RFC3: variants seen among roughly 807,000 people sequenced by gnomAD.
RFC3 encodes the protein replication factor C subunit 3.
Under a neutral mutation model 45.1 loss-of-function variants are expected in RFC3, and 41 were observed. The ratio of observed to expected loss-of-function variants is 0.91; its 90% CI spans 0.71 to 1.18. The LOEUF (loss-of-function observed/expected upper bound fraction) is 1.18, where lower values mean the gene tolerates loss of function less well. Ranked by LOEUF, RFC3 falls within the 50% of genes most tolerant of loss-of-function variation. The pLI, the probability that RFC3 is intolerant of heterozygous loss-of-function variation, is 0.00. For missense variants in RFC3, 423 were observed against 428.1 expected, an observed-to-expected ratio of 0.99 and a Z score of 0.10; for synonymous variants, 149 against 144.0, an observed-to-expected ratio of 1.03 and a Z score of -0.25.
intron 8 of RFC3, among the ~76,000 whole-genome samples, chr13:33,922,521 T>A (rs957011831): frequency 6.6e-6 from 1 of 152,160 alleles, no homozygotes; most frequent in Non-Finnish European, 1.5e-5. Flanking sequence ...ATAATTTACT[T>A]GTTGATATTA....
At chr13:33,856,132 G>T (rs1456974166) in intron 8 of RFC3, among the ~76,000 whole-genome samples, 5 of 152,144 alleles carry the variant, frequency 3.3e-5, no homozygotes, top group Non-Finnish European at 5.9e-5. Flanking sequence ...TCCATCTTGA[G>T]TTGGTTTTCA....
chr13:33,837,842 T>A (rs3135644), downstream of RFC3, among the ~76,000 whole-genome samples: 2 of 151,754 alleles, frequency 1.3e-5, no homozygotes, highest in African/African-American at 2.4e-5. Context: ...TAAATTTCAC[T>A]CTGAGTACTG....
At chr13:33,872,335 G>C (rs757169756) in intron 8 of RFC3, among the ~76,000 whole-genome samples, 1 of 152,114 alleles carries the variant, frequency 6.6e-6, no homozygotes, top group Non-Finnish European at 1.5e-5. Context: ...ATCACTCTTG[G>C]AATTTAATTC....
intron 8 of RFC3, among the ~76,000 whole-genome samples, chr13:33,898,702 TCAA>T (rs1429431395): frequency 6.6e-6 from 1 of 151,266 alleles, no homozygotes; most frequent in African/African-American, 2.4e-5. Flanking sequence ...TAACAAAAAA[TCAA>T]CAAAACAAAA....
chr13:33,844,113 C>A (rs1378370113), intron 8 of RFC3, among the ~76,000 whole-genome samples: 2 of 152,090 alleles, frequency 1.3e-5, no homozygotes, highest in African/African-American at 4.8e-5. Flanking sequence ...TATGAATGAT[C>A]TGGGCTTTAG....
intron 8 of RFC3, among the ~76,000 whole-genome samples, chr13:33,939,698 C>G (rs549808880): frequency 6.6e-6 from 1 of 152,132 alleles, no homozygotes; most frequent in Non-Finnish European, 1.5e-5. Flanking sequence ...AAACTGGTGT[C>G]GGAAGCGGGA....
intron 8 of RFC3, among the ~76,000 whole-genome samples, chr13:33,930,725 CT>C (rs745691153): frequency 1.1e-4 from 16 of 152,130 alleles, no homozygotes; most frequent in Non-Finnish European, 1.9e-4. Flanking sequence ...CCTTCAAACA[CT>C]TTCCTGTTGA....
intron 8 of RFC3, among the ~76,000 whole-genome samples, chr13:33,876,373 A>G (rs1276667494): frequency 6.6e-6 from 1 of 152,038 alleles, no homozygotes; most frequent in Non-Finnish European, 1.5e-5. Flanking sequence ...TTATTTTTCA[A>G]AGTTTTTGTT....
rs76351783 is a variant in RFC3 at position 33,872,192 on chromosome 13, G to T, written c.879+36975G>T. ...GCTTATTCATAATCTTAAATACGATGTAAGTGGCTGAATTGGAAAGGGAGA... is the reference window on the plus strand; with the variant it reads ...GCTTATTCATAATCTTAAATACGATTTAAGTGGCTGAATTGGAAAGGGAGA... On this transcript the variant is annotated intron_variant, in intron 8 of 8. Transcript: ENST00000434425. Among the ~76,000 whole-genome samples, 870 of 152,272 alleles carry T rather than the reference G, an allele frequency of 5.7e-3. 5 individuals carry two copies. The highest frequency in any genetic ancestry group is 0.02 in the African/African-American group (825 of 41,540).
Position 33,825,844 on chromosome 13 carries a change from C to T in RFC3, c.349C>T (p.Gln117Ter). Reference sequence around the variant, plus strand: ...TCAGGAGATGTTGAAAACAGTGGCACAATCACAACAACTTGAAACAAACTC... The same window carrying T: ...TCAGGAGATGTTGAAAACAGTGGCATAATCACAACAACTTGAAACAAACTC... ...VIQEMLKTVA[Q>*]SQQLETNSQR... Residue 117 changes from glutamine (Q) to a stop codon, truncating the protein, a stop_gained, in exon 4 of 9, where the codon CAA becomes TAA. Transcript: ENST00000380071. LOFTEE classifies it high-confidence loss of function. 1.2e-6 allele frequency: 2 copies of T among 1,607,956 alleles called. No individual in the cohort carries two copies. The highest frequency in any genetic ancestry group is 1.7e-6 in the Non-Finnish European group (2 of 1,177,100).
intron 8 of RFC3, among the ~76,000 whole-genome samples, chr13:33,885,370 A>G (rs2082514026): frequency 6.6e-6 from 1 of 152,200 alleles, no homozygotes. Context: ...AAGGAGTACA[A>G]GTACGGTTTT....
chr13:33,965,207 C>T (rs188258476), intron 8 of RFC3, among the ~76,000 whole-genome samples: 2 of 152,220 alleles, frequency 1.3e-5, no homozygotes, highest in East Asian at 1.9e-4. Context: ...GTCCCAAATT[C>T]GATATGACCT....
chr13:33,973,594 CCTT>C, the RFC3 span, among the ~76,000 whole-genome samples: 23 of 146,002 alleles, frequency 1.6e-4, no homozygotes, highest in Admixed American at 4.0e-4. Flanking sequence ...ATTTTCAACT[CCTT>C]CTCCTTCTCC....
chr13:33,835,446 G>A (rs1263188104), intron 8 of RFC3: 3 of 691,918 alleles, frequency 4.3e-6, no homozygotes, highest in Non-Finnish European at 2.7e-6. Flanking sequence ...GTGAAAAGGA[G>A]AACAAATAAA....
At chr13:33,967,749 G>A (rs2083094955), downstream of RFC3, among the ~76,000 whole-genome samples, 1 of 152,024 alleles carries the variant, frequency 6.6e-6, no homozygotes, top group Non-Finnish European at 1.5e-5. Context: ...GCCTCTCAAA[G>A]TGCTGGGATT....
At chr13:33,921,618 G>A (rs751274604) in intron 8 of RFC3, among the ~76,000 whole-genome samples, 15 of 152,176 alleles carry the variant, frequency 9.9e-5, no homozygotes, top group East Asian at 1.9e-4. Context: ...TTAGGCTGAG[G>A]TGACACCACT....
intron 8 of RFC3, among the ~76,000 whole-genome samples, chr13:33,937,627 A>G (rs1450317843): frequency 6.6e-6 from 1 of 152,174 alleles, no homozygotes; most frequent in Non-Finnish European, 1.5e-5. Flanking sequence ...ACCATGTAGC[A>G]TGCGCATAGA....
chr13:33,887,546 G>A (rs2082534065), intron 8 of RFC3, among the ~76,000 whole-genome samples: 1 of 151,852 alleles, frequency 6.6e-6, no homozygotes, highest in South Asian at 2.1e-4. Flanking sequence ...CCCTTTGTCA[G>A]ATGAGTAGGT....
intron 8 of RFC3, among the ~76,000 whole-genome samples, chr13:33,845,067 A>T (rs2082227575): frequency 6.6e-6 from 1 of 152,120 alleles, no homozygotes; most frequent in African/African-American, 2.4e-5. Context: ...CTAGGATAAA[A>T]TATATTTTCC....
Sources: gnomAD v4.1 joint callset for allele counts (sites outside exome capture counted in the v4.1 genomes callset) on GRCh38, gnomAD v4.1.1 for gene constraint, MANE v1.5 for transcripts, NCBI Gene and HGNC (gene_info 2026-07-23, HGNC 2026-07-21) for gene names.